PVT1: variants seen among roughly 807,000 people sequenced by gnomAD.
PVT1 encodes Pvt1 oncogene, also known as CXCR4/PVT1 fusion.
intron 3 of PVT1, among the ~76,000 whole-genome samples, chr8:127,922,627 C>T (rs1816075455): frequency 6.6e-6 from 1 of 152,162 alleles, no homozygotes; most frequent in South Asian, 2.1e-4. Flanking sequence ...CTGTGGGACC[C>T]AGGACTCCTT....
chr8:127,939,045 T>C (rs902228185), intron 3 of PVT1, among the ~76,000 whole-genome samples: 1 of 152,152 alleles, frequency 6.6e-6, no homozygotes, highest in African/African-American at 2.4e-5. Flanking sequence ...ATTTGGGAAG[T>C]TAAATTGGAC....
chr8:127,968,325 A>G (rs1343354219), intron 3 of PVT1, among the ~76,000 whole-genome samples: 2 of 150,936 alleles, frequency 1.3e-5, no homozygotes, highest in Non-Finnish European at 3.0e-5. Context: ...TTGTTAAGAC[A>G]CCATGCATCT....
chr8:128,035,155 A>C (rs1215899017), intron 4 of PVT1, among the ~76,000 whole-genome samples: 1 of 152,210 alleles, frequency 6.6e-6, no homozygotes, highest in Non-Finnish European at 1.5e-5. Context: ...TGCCTTCACC[A>C]GGGCACAGCA....
chr8:127,822,251 T>A (rs193244958), intron 2 of PVT1, among the ~76,000 whole-genome samples: 110 of 152,344 alleles, frequency 7.2e-4, no homozygotes, highest in Middle Eastern at 6.8e-3. Context: ...AGACTCAGTC[T>A]GTCTGTGGCA....
chr8:127,986,129 C>T (rs183408649), intron 3 of PVT1, among the ~76,000 whole-genome samples: 105 of 152,338 alleles, frequency 6.9e-4, no homozygotes, highest in African/African-American at 2.5e-3. Context: ...GTGCAATTCA[C>T]CTTCTGATTG....
At chr8:128,003,491 A>G (rs1357949588) in intron 4 of PVT1, among the ~76,000 whole-genome samples, 1 of 151,948 alleles carries the variant, frequency 6.6e-6, no homozygotes, top group Non-Finnish European at 1.5e-5. Flanking sequence ...GACTACAGGT[A>G]TGTGTTCCCA....
intron 2 of PVT1, among the ~76,000 whole-genome samples, chr8:127,886,476 C>T (rs1474699309): frequency 1.3e-5 from 2 of 152,076 alleles, no homozygotes; most frequent in East Asian, 3.8e-4. Context: ...TGATATTGTC[C>T]TACAGGTCTC....
At chr8:127,863,334 A>T (rs966045598) in intron 2 of PVT1, among the ~76,000 whole-genome samples, 2 of 151,830 alleles carry the variant, frequency 1.3e-5, no homozygotes, top group African/African-American at 2.4e-5. Flanking sequence ...CTGGTCTCGA[A>T]CTCCTGATCT....
At chr8:127,869,130 T>G (rs1815323875) in intron 2 of PVT1, among the ~76,000 whole-genome samples, 2 of 151,932 alleles carry the variant, frequency 1.3e-5, no homozygotes, top group Non-Finnish European at 2.9e-5. Flanking sequence ...TTATTATTCT[T>G]TATTTATTTA....
chr8:127,993,677 C>T (rs1817071420), intron 4 of PVT1, among the ~76,000 whole-genome samples: 1 of 152,202 alleles, frequency 6.6e-6, no homozygotes, highest in South Asian at 2.1e-4. Context: ...GAATTCAGGA[C>T]ACTGACTTGG....
At chr8:127,907,264 C>G (rs1042730107) in intron 3 of PVT1, among the ~76,000 whole-genome samples, 1 of 152,134 alleles carries the variant, frequency 6.6e-6, no homozygotes, top group Non-Finnish European at 1.5e-5. Context: ...CCACCATGCC[C>G]GGCCTTCCCT....
At chr8:128,067,477 C>A (rs1461279298) in intron 4 of PVT1, among the ~76,000 whole-genome samples, 1 of 152,100 alleles carries the variant, frequency 6.6e-6, no homozygotes, top group Non-Finnish European at 1.5e-5. Context: ...ATCAAAAGGT[C>A]TATATTGGAG....
At chr8:127,903,535 G>A (rs1815784577) in intron 3 of PVT1, among the ~76,000 whole-genome samples, 1 of 152,140 alleles carries the variant, frequency 6.6e-6, no homozygotes, top group African/African-American at 2.4e-5. Context: ...TATTTCCTCG[G>A]TTTTCTTCTA....
chr8:128,059,243 G>A (rs1208543337), intron 4 of PVT1, among the ~76,000 whole-genome samples: 1 of 152,134 alleles, frequency 6.6e-6, no homozygotes, highest in Non-Finnish European at 1.5e-5. Flanking sequence ...AATGAGATAT[G>A]GCAGGGAAAG....
chr8:128,040,622 T>C (rs1487907378), intron 4 of PVT1, among the ~76,000 whole-genome samples: 1 of 152,226 alleles, frequency 6.6e-6, no homozygotes, highest in Admixed American at 6.5e-5. Context: ...AATATGAGCG[T>C]GATCATCAAG....
At chr8:127,874,731 A>ATCT (rs1027486499) in intron 2 of PVT1, among the ~76,000 whole-genome samples, 1 of 152,104 alleles carries the variant, frequency 6.6e-6, no homozygotes, top group African/African-American at 2.4e-5. Context: ...TTGTTGTGTG[A>ATCT]TCTTCTTCTT....
intron 5 of PVT1, among the ~76,000 whole-genome samples, chr8:128,095,480 G>A (rs545163676): frequency 1.4e-4 from 21 of 152,326 alleles, no homozygotes; most frequent in African/African-American, 4.8e-4. Context: ...ATCTCATTAA[G>A]TGGTCACATT....
chr8:127,818,002 G>C (rs1277801186), intron 2 of PVT1, among the ~76,000 whole-genome samples: 8 of 152,186 alleles, frequency 5.3e-5, no homozygotes, highest in Admixed American at 5.2e-4. Flanking sequence ...TGCAGAGGCA[G>C]AACTGATGCC....
At chr8:128,024,186 A>G (rs1028674423) in intron 4 of PVT1, among the ~76,000 whole-genome samples, 2 of 152,194 alleles carry the variant, frequency 1.3e-5, no homozygotes, top group African/African-American at 4.8e-5. Flanking sequence ...GCACCTGTGA[A>G]TGGAAGTGGC....
Sources: allele counts gnomAD v4.1 joint callset (sites outside exome capture counted in the v4.1 genomes callset), GRCh38; gene constraint gnomAD v4.1.1; transcripts MANE v1.5; gene names NCBI Gene and HGNC (gene_info 2026-07-23, HGNC 2026-07-21).